STOML3: variants seen among roughly 807,000 people sequenced by gnomAD.
STOML3 encodes the protein stomatin like 3.
STOML3 carries 31 observed loss-of-function variants against 29.5 expected under a neutral mutation model. The ratio of observed to expected loss-of-function variants is 1.05; its 90% CI spans 0.79 to 1.42. The LOEUF (loss-of-function observed/expected upper bound fraction) is 1.42. STOML3 is among the 40% of genes most tolerant of loss of function. The probability of loss-of-function intolerance (pLI) is 0.00; values close to 1 mark genes in which losing one functional copy is unlikely to be tolerated. For missense variants in STOML3, 380 were observed against 363.0 expected (o/e 1.05, Z -0.38); for synonymous variants, 122 against 139.8 (o/e 0.87, Z 0.90).
In STOML3 at chr13:38,976,588, C is replaced by T. The variant is rs772302903; in HGVS notation, c.181G>A (p.Val61Ile). 2.5e-6 allele frequency: 4 copies of T among 1,614,210 alleles called. No homozygotes were observed. In the South Asian group the frequency reaches 3.3e-5, roughly 13 times the overall value. Residue 61 changes from valine to isoleucine, a missense_variant, in exon 3 of 7, where the codon GTT (valine) becomes ATT (isoleucine). By Grantham distance (29) the Val-to-Ile change is conservative. Transcript: ENST00000379631. ...LKIIKEYERAVVFRLGRIQAD... is the reference protein window; with the variant it reads ...LKIIKEYERAIVFRLGRIQAD... ...TGGATGCGTCCCAGACGGAATACAACAGCACGTTCATACTCCTTAATGATC... is the reference window on the plus strand; with the variant it reads ...TGGATGCGTCCCAGACGGAATACAATAGCACGTTCATACTCCTTAATGATC...
chr13:38,975,195 C>T (rs1054438800), intron 3 of STOML3, among the ~76,000 whole-genome samples: 6 of 151,770 alleles, frequency 4.0e-5, no homozygotes, highest in Non-Finnish European at 8.8e-5. Flanking sequence ...ATAGTGGGTG[C>T]CTGTAATCCC....
chr13:38,987,849 ATATAT>A (rs1486806898), intron 1 of STOML3, among the ~76,000 whole-genome samples: 4 of 97,090 alleles, frequency 4.1e-5, no homozygotes, highest in East Asian at 2.8e-4. Flanking sequence ...ATTTTATATA[ATATAT>A]TATATGTTAT....
At chr13:38,973,116 A>C (rs1402575027) in intron 3 of STOML3, among the ~76,000 whole-genome samples, 24 of 147,846 alleles carry the variant, frequency 1.6e-4, no homozygotes, top group Admixed American at 6.7e-4. Context: ...AAAAAAAAAA[A>C]AAAAAAAAAA....
chr13:38,985,458 A>G (rs1242099253), intron 1 of STOML3, among the ~76,000 whole-genome samples: 2 of 152,148 alleles, frequency 1.3e-5, no homozygotes, highest in Non-Finnish European at 2.9e-5. Context: ...GAAGAAGCAA[A>G]TAAAGAAAAA....
chr13:38,978,211 T>C (rs900557046), intron 1 of STOML3, among the ~76,000 whole-genome samples: 2 of 152,092 alleles, frequency 1.3e-5, no homozygotes, highest in Non-Finnish European at 2.9e-5. Flanking sequence ...TGGAGTGCAG[T>C]GGCGCAATCT....
intron 1 of STOML3, among the ~76,000 whole-genome samples, chr13:38,982,713 A>T (rs1038134809): frequency 6.6e-6 from 1 of 152,170 alleles, no homozygotes; most frequent in East Asian, 1.9e-4. Context: ...CCTAAATAAG[A>T]TGGTTACAAG....
At chr13:38,980,574 C>T (rs1483814290) in intron 1 of STOML3, among the ~76,000 whole-genome samples, 1 of 152,118 alleles carries the variant, frequency 6.6e-6, no homozygotes, top group Non-Finnish European at 1.5e-5. Context: ...TTTTTGGTCA[C>T]TAAGTGATGA....
At chr13:38,980,783 A>G in intron 1 of STOML3, among the ~76,000 whole-genome samples, 1 of 152,208 alleles carries the variant, frequency 6.6e-6, no homozygotes, top group East Asian at 1.9e-4. Context: ...GTGCTGGAGA[A>G]TAAAATGGGA....
intron 1 of STOML3, among the ~76,000 whole-genome samples, chr13:38,980,831 G>T (rs1181779073): frequency 6.6e-6 from 1 of 152,132 alleles, no homozygotes; most frequent in East Asian, 1.9e-4. Flanking sequence ...CTTTCTTTAT[G>T]CAGCTGGCAG....
At chr13:38,984,829 C>T (rs768451208) in intron 1 of STOML3, among the ~76,000 whole-genome samples, 3 of 152,022 alleles carry the variant, frequency 2.0e-5, no homozygotes, top group Admixed American at 6.6e-5. Context: ...TTGTGTCTTC[C>T]CTGTAAATTT....
At chr13:38,967,148 C>G in intron 6 of STOML3, 99 bp from the exon 7 acceptor site, 1 of 1,043,236 alleles carries the variant, frequency 9.6e-7, no homozygotes, top group Non-Finnish European at 1.4e-6. Context: ...TCCCCAGCCC[C>G]CATGTTGCCA....
chr13:38,979,340 T>C (rs547421707), intron 1 of STOML3, among the ~76,000 whole-genome samples: 141 of 152,252 alleles, frequency 9.3e-4, no homozygotes, highest in African/African-American at 3.3e-3. Context: ...ATATACATTC[T>C]CATTGGAAAA....
In STOML3 at chr13:38,987,378, G is replaced by A. The variant is rs557412208; in HGVS notation, c.52+3292C>T. Among the ~76,000 whole-genome samples the A allele has an allele frequency of 8.2e-4, 124 of 152,018 alleles. 2 individuals are homozygous for A. The highest frequency in any genetic ancestry group is 2.9e-3 in the African/African-American group (120 of 41,462). ...TTTCTACAAAAAAATACAAAAATTA[G>A]CCAGCCATGGTGGCGCATGCCTGTA... On this transcript the variant is annotated intron_variant, in intron 1 of 6. Transcript: ENST00000379631.
intron 3 of STOML3, 45 bp from the exon 4 acceptor site, chr13:38,972,639 A>G: frequency 1.3e-6 from 2 of 1,559,472 alleles, no homozygotes; most frequent in Non-Finnish European, 1.8e-6. Flanking sequence ...TGTTGAAAAT[A>G]ACTACAAGTA....
intron 4 of STOML3, among the ~76,000 whole-genome samples, chr13:38,971,707 G>T (rs1421111094): frequency 6.6e-6 from 1 of 152,170 alleles, no homozygotes; most frequent in Non-Finnish European, 1.5e-5. Flanking sequence ...CAGATTACCT[G>T]AGGTCAGGAG....
intron 1 of STOML3, 53 bp from the exon 2 acceptor site, chr13:38,976,850 C>T: frequency 6.7e-7 from 1 of 1,488,266 alleles, no homozygotes; most frequent in Non-Finnish European, 9.2e-7. Context: ...TTAAAAAAGC[C>T]ACCCAGCTGC....
At chr13:38,970,082 A>C in intron 5 of STOML3, 103 bp downstream of exon 5, 10 of 1,033,476 alleles carry the variant, frequency 9.7e-6, no homozygotes, top group Non-Finnish European at 1.4e-5. Flanking sequence ...GTGTGCAAGC[A>C]TGCATGTGGT....
chr13:38,990,142 T>G (rs559519690), intron 1 of STOML3, among the ~76,000 whole-genome samples: 141 of 152,300 alleles, frequency 9.3e-4, no homozygotes, highest in Middle Eastern at 3.4e-3. Flanking sequence ...AAGCTAAGTT[T>G]TTTTTCTCAA....
chr13:38,973,737 T>C (rs1880975193), intron 3 of STOML3, among the ~76,000 whole-genome samples: 1 of 152,204 alleles, frequency 6.6e-6, no homozygotes, highest in Non-Finnish European at 1.5e-5. Flanking sequence ...CTAAAGTGTT[T>C]AGAGGAAAAA....
Sources: gnomAD v4.1 joint callset for allele counts (sites outside exome capture counted in the v4.1 genomes callset) on GRCh38, gnomAD v4.1.1 for gene constraint, MANE v1.5 for transcripts, NCBI Gene and HGNC (gene_info 2026-07-23, HGNC 2026-07-21) for gene names.